The following LSAMP variants were observed in gnomAD, a reference collection of about 807,000 sequenced individuals.
The protein encoded by LSAMP is limbic system-associated membrane protein.
LSAMP carries 7 observed loss-of-function variants against 38.6 expected under a neutral mutation model. That is an observed-to-expected ratio of 0.18 (90% CI 0.10 to 0.34). LSAMP has a LOEUF of 0.34. Among genes scored for constraint, LSAMP ranks in the 10% least tolerant of loss-of-function variants. The pLI, the probability that LSAMP is intolerant of heterozygous loss-of-function variation, is 1.00. For missense variants in LSAMP, 313 were observed against 420.0 expected (o/e 0.75, Z 2.23); for synonymous variants, 154 against 166.8 (o/e 0.92, Z 0.59).
At chr3:115,833,121 G>A (rs76325960) in intron 6 of LSAMP, among the ~76,000 whole-genome samples, 2,377 of 152,238 alleles carry the variant, frequency 0.016, 29 homozygotes, top group South Asian at 0.047. Flanking sequence ...GTACAAATGC[G>A]TATGTGTGTG....
At position 115,810,041 on chromosome 3, in the gene LSAMP, A is replaced by G; in HGVS notation, c.*276T>C. 2.9e-6 allele frequency: 1 copy of G among 350,500 alleles called. No individual in the cohort carries two copies. Among genetic ancestry groups the G allele is most frequent in the Non-Finnish European group, 5.2e-6 (1 of 192,414 alleles). The allele number at this position is 350,500 out of a possible 1,614,324, so 21.7% of individuals were successfully genotyped here. On this transcript the variant is annotated 3_prime_UTR_variant, in exon 7 of 7. Coordinates refer to ENST00000490035, the MANE Select transcript of LSAMP (RefSeq NM_002338.5). ...CCTTAGTGTGGTGTAGTCTTTACAC[A>G]GCATACATTTGCTTAGTAGATATAA...
chr3:115,840,351 A>AC lies in LSAMP; in HGVS notation c.919+1493dup, dbSNP rs1324005957. 8.1e-5 allele frequency among the ~76,000 whole-genome samples: 12 copies of AC among 147,670 alleles called. 1 individual carries two copies. Among genetic ancestry groups the AC allele is most frequent in the Middle Eastern group, 3.5e-3 (1 of 284 alleles). On this transcript the variant is annotated intron_variant, in intron 6 of 6. Coordinates refer to ENST00000490035, the MANE Select transcript of LSAMP (RefSeq NM_002338.5). ...CCCAGTTGAGGCTGGTTCCCCCCGC[A>AC]CCCCCCCTCTCCCGCTGCCATTTAT...
intron 3 of LSAMP, among the ~76,000 whole-genome samples, chr3:115,979,744 A>C (rs1240220712): frequency 6.6e-6 from 1 of 152,122 alleles, no homozygotes; most frequent in African/African-American, 2.4e-5. Context: ...ATCACCATAC[A>C]TCAAGTTTCT....
chr3:116,365,670 A>G (rs1436392993), intron 1 of LSAMP, among the ~76,000 whole-genome samples: 1 of 64,206 alleles, frequency 1.6e-5, no homozygotes, highest in Admixed American at 1.8e-4. Flanking sequence ...ACACCATGGA[A>G]TACTATGCAG....
intron 1 of LSAMP, among the ~76,000 whole-genome samples, chr3:116,244,614 C>T (rs2046580912): frequency 6.6e-6 from 1 of 152,162 alleles, no homozygotes; most frequent in Admixed American, 6.6e-5. Flanking sequence ...GGGACTCTCA[C>T]ACAGCATCTT....
chr3:116,156,326 G>T (rs1186755115), intron 1 of LSAMP, among the ~76,000 whole-genome samples: 3 of 152,146 alleles, frequency 2.0e-5, no homozygotes, highest in Non-Finnish European at 2.9e-5. Flanking sequence ...AATGCAGAAA[G>T]TCACATAAAA....
intron 6 of LSAMP, among the ~76,000 whole-genome samples, chr3:115,811,850 A>G (rs1933845326): frequency 6.6e-6 from 1 of 152,248 alleles, no homozygotes; most frequent in Non-Finnish European, 1.5e-5. Flanking sequence ...TAAGGTAGAT[A>G]CTATGATGAA....
intron 3 of LSAMP, among the ~76,000 whole-genome samples, chr3:115,989,320 T>C (rs2107639697): frequency 6.6e-6 from 1 of 152,236 alleles, no homozygotes; most frequent in African/African-American, 2.4e-5. Context: ...AAAAGGGACT[T>C]TTTAAAAGAA....
intron 3 of LSAMP, among the ~76,000 whole-genome samples, chr3:115,893,808 C>T (rs1936662045): frequency 6.6e-6 from 1 of 151,938 alleles, no homozygotes; most frequent in Non-Finnish European, 1.5e-5. Flanking sequence ...CTTTTACACC[C>T]AATTTGTGTT....
intron 1 of LSAMP, among the ~76,000 whole-genome samples, chr3:116,109,939 TGGGGCACAGAGATAAGAGGTC>T (rs1180117719): frequency 2.8e-5 from 4 of 144,334 alleles, no homozygotes; most frequent in African/African-American, 8.1e-5. Context: ...AATAAGGGAT[TGGGGCACAGAGATAAGAGGTC>T]GGGGTGTGGA....
At chr3:116,420,380 G>C (rs2049106207) in intron 1 of LSAMP, among the ~76,000 whole-genome samples, 1 of 151,920 alleles carries the variant, frequency 6.6e-6, no homozygotes, top group Admixed American at 6.6e-5. Flanking sequence ...TTACAGGCCT[G>C]AGCCATTGCG....
intron 1 of LSAMP, among the ~76,000 whole-genome samples, chr3:116,234,154 T>C (rs997213653): frequency 1.2e-4 from 18 of 152,242 alleles, no homozygotes; most frequent in African/African-American, 3.9e-4. Context: ...CTTCCTGTGA[T>C]AGTTCAGTCT....
chr3:116,419,099 G>A (rs905226281), intron 1 of LSAMP, among the ~76,000 whole-genome samples: 2 of 152,152 alleles, frequency 1.3e-5, no homozygotes, highest in African/African-American at 4.8e-5. Flanking sequence ...CTCCTATTCT[G>A]GGTAGGCAAT....
At chr3:116,183,265 T>A (rs920225169) in intron 1 of LSAMP, among the ~76,000 whole-genome samples, 1 of 151,886 alleles carries the variant, frequency 6.6e-6, no homozygotes, top group Non-Finnish European at 1.5e-5. Context: ...AGCATGGCTA[T>A]GCACACTTTT....
intron 1 of LSAMP, among the ~76,000 whole-genome samples, chr3:116,198,347 C>T (rs1486081373): frequency 6.6e-6 from 1 of 152,054 alleles, no homozygotes; most frequent in Non-Finnish European, 1.5e-5. Flanking sequence ...AAAATGCCTC[C>T]ACAGTTTCAA....
intron 3 of LSAMP, among the ~76,000 whole-genome samples, chr3:115,861,025 GT>G (rs1935661979): frequency 6.6e-6 from 1 of 151,550 alleles, no homozygotes; most frequent in African/African-American, 2.4e-5. Flanking sequence ...TTTGTAATTT[GT>G]TTTCTTCCTT....
intron 1 of LSAMP, among the ~76,000 whole-genome samples, chr3:116,268,381 C>T (rs182290324): frequency 6.6e-6 from 1 of 151,976 alleles, no homozygotes; most frequent in African/African-American, 2.4e-5. Flanking sequence ...TAAATCCATA[C>T]CCTATCCTTC....
intron 2 of LSAMP, among the ~76,000 whole-genome samples, chr3:116,085,387 C>T (rs1366123098): frequency 6.6e-6 from 1 of 152,168 alleles, no homozygotes; most frequent in African/African-American, 2.4e-5. Context: ...TTAATAGAAG[C>T]TACAGTTAAA....
At chr3:116,425,235 C>T (rs1240206742) in intron 1 of LSAMP, among the ~76,000 whole-genome samples, 3 of 152,160 alleles carry the variant, frequency 2.0e-5, no homozygotes, top group South Asian at 2.1e-4. Flanking sequence ...TTCATTGACC[C>T]TTCATGTTTC....
Sources: gnomAD v4.1 joint callset for allele counts (sites outside exome capture counted in the v4.1 genomes callset) on GRCh38, gnomAD v4.1.1 for gene constraint, MANE v1.5 for transcripts, NCBI Gene and HGNC (gene_info 2026-07-23, HGNC 2026-07-21) for gene names.